ZNF446: variants seen among roughly 807,000 people sequenced by gnomAD.
ZNF446 encodes zinc finger protein with KRAB and SCAN domains 20.
A neutral mutation model predicts 34.0 loss-of-function variants in ZNF446; 42 were observed. The observed-to-expected ratio is 1.23, with a 90% CI of 0.96 to 1.60. ZNF446 has a LOEUF of 1.60. Ranked by LOEUF, ZNF446 falls within the 40% of genes most tolerant of loss-of-function variation. The probability of loss-of-function intolerance (pLI) is 0.00; values close to 1 mark genes in which losing one functional copy is unlikely to be tolerated. For missense variants in ZNF446, 650 were observed against 600.2 expected (o/e 1.08, Z -0.87); for synonymous variants, 315 against 251.0 (o/e 1.25, Z -2.41).
At chr19:58,477,044 A>C (rs908599384) in intron 1 of ZNF446, 135 bp from the exon 2 acceptor site, 1 of 578,068 alleles carries the variant, frequency 1.7e-6, no homozygotes, top group African/African-American at 1.9e-5. Flanking sequence ...TCCTTCCATG[A>C]AGCTTTCTTG....
At chr19:58,485,361 T>A (rs1404424429), downstream of ZNF446, among the ~76,000 whole-genome samples, 3 of 149,022 alleles carry the variant, frequency 2.0e-5, no homozygotes, top group African/African-American at 7.5e-5. Flanking sequence ...AAAAAAAAAA[T>A]TAGCCGGGTA....
chr19:58,487,747 T>G, the ZNF446 span, among the ~76,000 whole-genome samples: 1 of 152,144 alleles, frequency 6.6e-6, no homozygotes, highest in Non-Finnish European at 1.5e-5. Flanking sequence ...AGGTGGAGGT[T>G]GCAGTGAGCC....
downstream of ZNF446, among the ~76,000 whole-genome samples, chr19:58,482,100 A>G (rs1352044797): frequency 6.6e-6 from 1 of 152,098 alleles, no homozygotes; most frequent in East Asian, 1.9e-4. Context: ...GGCCAAAATC[A>G]AGGTTTTAAC....
At chr19:58,479,553 C>A in intron 4 of ZNF446, 90 bp from the exon 5 acceptor site, 2 of 1,418,502 alleles carry the variant, frequency 1.4e-6, no homozygotes, top group Non-Finnish European at 1.9e-6. Context: ...AGGTAACCTG[C>A]TGACTCTTCC....
In ZNF446 at chr19:58,480,803, A is replaced by G; in HGVS notation, c.*77A>G. 1 of 1,507,272 alleles carries G rather than the reference A, an allele frequency of 6.6e-7. No individual in the cohort carries two copies. Among genetic ancestry groups the G allele is most frequent in the Non-Finnish European group, 8.9e-7 (1 of 1,120,478 alleles). 93.4% of individuals were successfully genotyped at this position (1,507,272 alleles called of 1,614,324 possible). ...ACAGCCTCTGGGGCACCAGCAGAAG[A>G]CTCTGGAGGCAGCAGGGGATGCCAG... On this transcript the variant is annotated 3_prime_UTR_variant, in exon 7 of 7. Transcript: ENST00000594369. The surrounding 1 kb of genome is among the most constrained non-coding windows in gnomAD (Gnocchi z 7.2).
In ZNF446 at chr19:58,477,727, G is replaced by A; in HGVS notation, c.433G>A (p.Glu145Lys). 6.2e-7 allele frequency: 1 copy of A among 1,613,760 alleles called. No individual in the cohort carries two copies. Among genetic ancestry groups the A allele is most frequent in the South Asian group, 1.1e-5 (1 of 91,080 alleles). Residue 145 changes from glutamate (E) to lysine (K), a missense_variant, in exon 3 of 7, where the codon GAG becomes AAG. Glu to Lys is a moderately conservative substitution (Grantham distance 56, BLOSUM62 1). Transcript: ENST00000594369. ...LGSPHPSGTV[E>K]SPGEGPQDTR... ...GAGCCCCCACCCCTCAGGGACAGTG[G>A]AGTCCCCTGGGGAAGGTCCCCAGGA... is the stretch of plus-strand genomic sequence containing the variant.
the ZNF446 span, among the ~76,000 whole-genome samples, chr19:58,488,552 TAAAAA>T: frequency 1.0e-5 from 1 of 100,306 alleles, no homozygotes; most frequent in Non-Finnish European, 2.3e-5. Context: ...ATGACTATGA[TAAAAA>T]AAAAAAAAAA....
At chr19:58,486,948 G>T in the ZNF446 span, among the ~76,000 whole-genome samples, 8 of 150,998 alleles carry the variant, frequency 5.3e-5, no homozygotes, top group African/African-American at 2.0e-4. Context: ...GACTACAGGT[G>T]CCCGCCACCA....
intron 4 of ZNF446, among the ~76,000 whole-genome samples, chr19:58,478,860 G>A (rs1361522548): frequency 3.9e-5 from 6 of 151,904 alleles, no homozygotes; most frequent in Admixed American, 2.6e-4. Context: ...GACCAGCTGT[G>A]GCAGGACTCC....
the ZNF446 span, among the ~76,000 whole-genome samples, chr19:58,486,717 T>TTTGGGGG: frequency 1.4e-4 from 13 of 90,038 alleles, no homozygotes; most frequent in African/African-American, 6.1e-4. Context: ...CTTTTTTTTT[T>TTTGGGGG]GGGGGGGGGC....
At chr19:58,484,701 T>C (rs528857324), downstream of ZNF446, among the ~76,000 whole-genome samples, 1 of 152,038 alleles carries the variant, frequency 6.6e-6, no homozygotes, top group Admixed American at 6.6e-5. Context: ...TAAAAAATTT[T>C]AAAAACCAAT....
chr19:58,479,482 C>T lies in ZNF446; in HGVS notation c.628-161C>T, dbSNP rs2053117516. On this transcript the variant is annotated intron_variant, in intron 4 of 6. Transcript: ENST00000594369. ...CTGGTCAGGTGATCTGAAGGAGAAC[C>T]TCTGCACTTAACAAACACACACCTT... The T allele has an allele frequency of 4.3e-6, 3 of 703,532 alleles. No individual in the cohort carries two copies. The East Asian group carries it at 8.2e-5, about 19-fold the overall frequency. The allele number at this position is 703,532 out of a possible 1,614,324, so 43.6% of individuals were successfully genotyped here. A position where few individuals can be genotyped will look rare whatever the true frequency, so the allele number is the denominator to read the frequency against.
chr19:58,484,589 T>C (rs540088430), downstream of ZNF446, among the ~76,000 whole-genome samples: 1 of 151,940 alleles, frequency 6.6e-6, no homozygotes, highest in Admixed American at 6.6e-5. Context: ...CCCAGCACTT[T>C]GGGAGGCAAA....
chr19:58,481,711 A>G (rs2053141479), downstream of ZNF446, among the ~76,000 whole-genome samples: 1 of 152,220 alleles, frequency 6.6e-6, no homozygotes, highest in South Asian at 2.1e-4. Context: ...GCAGCTTGAA[A>G]CAACAGATTC....
At chr19:58,483,735 G>A (rs1321415188), downstream of ZNF446, 2 of 152,198 alleles carry the variant, frequency 1.3e-5, no homozygotes, top group Non-Finnish European at 2.9e-5. Context: ...TTCACAATAG[G>A]AGAGGGATGA....
At position 58,477,691 on chromosome 19, in the gene ZNF446, G is replaced by A. The variant is rs748915859; in HGVS notation, c.397G>A (p.Glu133Lys). 2.5e-6 allele frequency: 4 copies of A among 1,613,918 alleles called. No individual in the cohort carries two copies. In the South Asian group the frequency reaches 3.3e-5, roughly 13 times the overall value. The change falls in exon 3 of 7, where the codon GAA becomes AAA. Residue 133 changes from glutamate (E) to lysine (K), a missense_variant. By Grantham distance (56) the Glu-to-Lys change is moderately conservative (BLOSUM62 1). Coordinates refer to ENST00000594369, the MANE Select transcript of ZNF446 (RefSeq NM_017908.4). Reference protein sequence around the residue: ...EVLPAAQKTEEPLGSPHPSGT... With the variant: ...EVLPAAQKTEKPLGSPHPSGT... ...GCTCCCTGCAGCCCAGAAGACAGAG[G>A]AACCACTTGGGAGCCCCCACCCCTC...
chr19:58,482,023 T>C (rs1460865452), downstream of ZNF446, among the ~76,000 whole-genome samples: 1 of 152,126 alleles, frequency 6.6e-6, no homozygotes, highest in Non-Finnish European at 1.5e-5. Flanking sequence ...CTCGATCTCC[T>C]GACCTCGTGA....
the ZNF446 span, among the ~76,000 whole-genome samples, chr19:58,486,246 C>A: frequency 1.3e-5 from 2 of 151,356 alleles, no homozygotes; most frequent in South Asian, 2.1e-4. Context: ...GCACGTGCCA[C>A]CACGCCTGGC....
At chr19:58,486,411 T>G in the ZNF446 span, among the ~76,000 whole-genome samples, 1 of 150,644 alleles carries the variant, frequency 6.6e-6, no homozygotes, top group African/African-American at 2.5e-5. Flanking sequence ...TCAGTTTTTG[T>G]TTGTTTGTTT....
Sources: allele counts gnomAD v4.1 joint callset (sites outside exome capture counted in the v4.1 genomes callset), GRCh38; gene constraint gnomAD v4.1.1; non-coding constraint Gnocchi (gnomAD v3.1); transcripts MANE v1.5; gene names NCBI Gene and HGNC (gene_info 2026-07-23, HGNC 2026-07-21).